Variants in ADAMTS4 observed in about 807,000 individuals in gnomAD.
ADAMTS4 encodes the protein A disintegrin and metalloproteinase with thrombospondin motifs 4.
In ADAMTS4, 38 loss-of-function variants were observed where a neutral mutation model predicts 66.7. That is an observed-to-expected ratio of 0.57 (90% CI 0.44 to 0.75). The LOEUF is 0.75. Among genes scored for constraint, ADAMTS4 ranks in the 30% least tolerant of loss-of-function variants. The pLI, the probability that ADAMTS4 is intolerant of heterozygous loss-of-function variation, is 0.00. For synonymous variants in ADAMTS4, 418 were observed against 461.5 expected, an observed-to-expected ratio of 0.91 and a Z score of 1.21; for missense variants, 1,014 against 1,116.7, an observed-to-expected ratio of 0.91 and a Z score of 1.31.
Position 161,193,089 on chromosome 1 carries a change from TG to T in ADAMTS4, c.1911+123del. The T allele has an allele frequency of 8.9e-7, 1 of 1,125,302 alleles. No individual in the cohort carries two copies. The highest frequency in any genetic ancestry group is 1.2e-6 in the Non-Finnish European group (1 of 811,582). The allele number at this position is 1,125,302 out of a possible 1,614,324, so 69.7% of individuals were successfully genotyped here. A position where few individuals can be genotyped will look rare whatever the true frequency, so the allele number is the denominator to read the frequency against. The stretch of plus-strand genomic sequence containing the variant: ...GTACAGATAAGTCTGAGTGGAATCC[TG>T]GACTGGGCTGGCGTGGCTGTAGGAA... On this transcript the variant is annotated intron_variant, in intron 7 of 8. Coordinates refer to ENST00000367996, the MANE Select transcript of ADAMTS4 (RefSeq NM_005099.6). The surrounding 1 kb of genome is among the most constrained non-coding windows in gnomAD (Gnocchi z 4.4).
rs1332129549 is a variant in ADAMTS4 at position 161,188,136 on chromosome 1, A to T, written c.*3002T>A. On this transcript the variant is annotated 3_prime_UTR_variant, in exon 9 of 9. Transcript: ENST00000367996. The stretch of plus-strand genomic sequence containing the variant: ...GGCTAATTTTTTGTATTTTTTTTTT[A>T]GTAGAGATGGGGTTTCACCATGTTG... 1 of 144,194 alleles carries T rather than the reference A, an allele frequency of 6.9e-6. No homozygotes were observed. Among genetic ancestry groups the T allele is most frequent in the Non-Finnish European group, 1.5e-5 (1 of 66,122 alleles). 8.9% of individuals were successfully genotyped at this position (144,194 alleles called of 1,614,324 possible).
rs749731245 is a variant in ADAMTS4, at chr1:161,193,296, A to C, written c.1828T>G (p.Tyr610Asp). 8 of 1,613,968 alleles carry C rather than the reference A, an allele frequency of 5.0e-6. No individual in the cohort carries two copies. The highest frequency in any genetic ancestry group is 5.9e-6 in the Non-Finnish European group (7 of 1,180,006). Reference sequence around the variant, plus strand: ...TGGTCCTGGGGGGCCACGCCTGTGTAGCGAGGAACCCAGTCCATGGGCCCT... The same window carrying C: ...TGGTCCTGGGGGGCCACGCCTGTGTCGCGAGGAACCCAGTCCATGGGCCCT... ...FPGPMDWVPR[Y>D]TGVAPQDQCK... The change falls in exon 7 of 9, where the codon TAC (tyrosine) becomes GAC (aspartate). Residue 610 changes from tyrosine to aspartate, a missense_variant. Physicochemically the swap from Tyr to Asp is radical, Grantham distance 160. Coordinates refer to ENST00000367996, the MANE Select transcript of ADAMTS4 (RefSeq NM_005099.6). The surrounding 1 kb of genome is among the most constrained non-coding windows in gnomAD (Gnocchi z 4.4).
chr1:161,198,304 T>C lies in ADAMTS4; in HGVS notation c.324A>G (p.Thr108=), dbSNP rs764416631. Residue 108 remains threonine, a synonymous_variant, in exon 1 of 9, where the codon ACA becomes ACG. Transcript: ENST00000367996. The surrounding 1 kb of genome is among the most constrained non-coding windows in gnomAD (Gnocchi z 4.7). ...QDSGVQVEGL[T]VQYLGQAPEL... is the part of the protein sequence containing the mutation. ...CAGGCGCCTGGCCCAGGTACTGCAC[T>C]GTCAGCCCCTCGACCTGCACACCGG... 6.2e-7 allele frequency: 1 copy of C among 1,613,400 alleles called. No individual in the cohort carries two copies. Among genetic ancestry groups the C allele is most frequent in the African/African-American group, 1.3e-5 (1 of 74,900 alleles).
Position 161,194,202 on chromosome 1 carries a change from T to C in ADAMTS4, c.1281A>G (p.Lys427=). 6.2e-7 allele frequency: 1 copy of C among 1,614,004 alleles called. No homozygotes were observed. Among genetic ancestry groups the C allele is most frequent in the Non-Finnish European group, 8.5e-7 (1 of 1,179,966 alleles). Reference sequence around the variant, plus strand: ...CAGGCAGATGCAATGGAGCCTCTGGTTTGTCTAAGAGACAGTGCCCTGGGA... The same window carrying C: ...CAGGCAGATGCAATGGAGCCTCTGGCTTGTCTAAGAGACAGTGCCCTGGGA... ...DNGYGHCLLD[K]PEAPLHLPVT... is the part of the protein sequence containing the mutation. Residue 427 remains lysine, a synonymous_variant, in exon 5 of 9, where the codon AAA becomes AAG. Coordinates refer to ENST00000367996, the MANE Select transcript of ADAMTS4 (RefSeq NM_005099.6). The surrounding 1 kb of genome is among the most constrained non-coding windows in gnomAD (Gnocchi z 4.1).
In ADAMTS4 at chr1:161,198,335, T is replaced by A; in HGVS notation, c.293A>T (p.Gln98Leu). The A allele has an allele frequency of 6.2e-7, 1 of 1,613,352 alleles. No individual in the cohort carries two copies. The highest frequency in any genetic ancestry group is 8.5e-7 in the Non-Finnish European group (1 of 1,179,988). The stretch of plus-strand genomic sequence containing the variant: ...CCCCTCGACCTGCACACCGGAGTCC[T>A]GCTCCAGCTCTAGTAGCAGCGTCTC... ...FGETLLLELE[Q>L]DSGVQVEGLT... The change falls in exon 1 of 9, where the codon CAG (glutamine) becomes CTG (leucine). Residue 98 changes from glutamine (Q) to leucine (L), a missense_variant. Coordinates refer to ENST00000367996, the MANE Select transcript of ADAMTS4 (RefSeq NM_005099.6). The surrounding 1 kb of genome is among the most constrained non-coding windows in gnomAD (Gnocchi z 4.7).
chr1:161,196,359 G>C, intron 2 of ADAMTS4, 56 bp from the exon 3 acceptor site: 1 of 1,553,990 alleles, frequency 6.4e-7, no homozygotes, highest in Non-Finnish European at 8.7e-7. Context: ...GGGTCCATTG[G>C]GTTGAGATCC....
Position 161,188,123 on chromosome 1 carries a change from G to C in ADAMTS4, c.*3015C>G, listed in dbSNP as rs945664303. 6.9e-6 allele frequency: 1 copy of C among 145,028 alleles called. No homozygotes were observed. Among genetic ancestry groups the C allele is most frequent in the African/African-American group, 2.6e-5 (1 of 39,156 alleles). 9.0% of individuals were successfully genotyped at this position (145,028 alleles called of 1,614,324 possible). A position where few individuals can be genotyped will look rare whatever the true frequency, so the allele number is the denominator to read the frequency against. On this transcript the variant is annotated 3_prime_UTR_variant, in exon 9 of 9. Transcript: ENST00000367996. The stretch of plus-strand genomic sequence containing the variant: ...TGCCACCACACCTGGCTAATTTTTT[G>C]TATTTTTTTTTTAGTAGAGATGGGG...
At chr1:161,196,329 C>T in intron 2 of ADAMTS4, 26 bp from the exon 3 acceptor site, 1 of 1,579,994 alleles carries the variant, frequency 6.3e-7, no homozygotes, top group Non-Finnish European at 8.6e-7. Context: ...ATAGAAGGTG[C>T]ATAGACAGCC....
Position 161,198,584 on chromosome 1 carries a change from C to T in ADAMTS4, c.44G>A (p.Arg15His), listed in dbSNP as rs1265505716. Residue 15 changes from arginine (R) to histidine (H), a missense_variant, in exon 1 of 9, where the codon CGC becomes CAC. Arg to His is a conservative substitution (Grantham distance 29). Coordinates refer to ENST00000367996, the MANE Select transcript of ADAMTS4 (RefSeq NM_005099.6). This position sits in a 1 kb window ranked among gnomAD's most constrained non-coding sequence, Gnocchi z 4.7. ...GSHPGRGLAGRWLWGAQPCLL... is the reference protein window; with the variant it reads ...GSHPGRGLAGHWLWGAQPCLL... ...GCAGGGTTGGGCTCCCCACAGCCAG[C>T]GCCCTGCCAAGCCCCTCCCGGGATG... The T allele has an allele frequency of 3.9e-6, 6 of 1,542,066 alleles. No individual in the cohort carries two copies. In the Admixed American group the frequency reaches 5.9e-5, roughly 15 times the overall value.
At position 161,198,040 on chromosome 1, in the gene ADAMTS4, G is replaced by C; in HGVS notation, c.588C>G (p.Val196=). Residue 196 remains valine, a synonymous_variant, in exon 1 of 9, where the codon GTC becomes GTG. Coordinates refer to ENST00000367996, the MANE Select transcript of ADAMTS4 (RefSeq NM_005099.6). This position sits in a 1 kb window ranked among gnomAD's most constrained non-coding sequence, Gnocchi z 4.7. ...PASGQGPMCN[V]KAPLGSPSPR... ...GGCTGGGGCTTCCAAGAGGAGCCTT[G>C]ACGTTGCACATGGGACCTTGACCGC... The C allele has an allele frequency of 1.3e-6, 2 of 1,595,668 alleles. No individual in the cohort carries two copies. The highest frequency in any genetic ancestry group is 1.7e-6 in the Non-Finnish European group (2 of 1,168,458).
rs772396585 is a variant in ADAMTS4 at position 161,195,501 on chromosome 1, C to A, written c.1225G>T (p.Ala409Ser). Reference sequence around the variant, plus strand: ...TCCAGGAAGTCAGTGATGAAGCGGGCACTGCAGGGGGACCAGGGCTCCTCA... The same window carrying A: ...TCCAGGAAGTCAGTGATGAAGCGGGAACTGCAGGGGGACCAGGGCTCCTCA... Reference protein sequence around the residue: ...DPEEPWSPCSARFITDFLDNG... With the variant: ...DPEEPWSPCSSRFITDFLDNG... The change falls in exon 4 of 9, where the codon GCC becomes TCC. Residue 409 changes from alanine (A) to serine (S), a missense_variant. Physicochemically the swap from Ala to Ser is moderately conservative, Grantham distance 99 (BLOSUM62 1). Transcript: ENST00000367996. 20 of 1,612,616 alleles carry A rather than the reference C, an allele frequency of 1.2e-5. No homozygotes were observed. Among genetic ancestry groups the A allele is most frequent in the Admixed American group, 1.2e-4 (7 of 59,750 alleles).
Position 161,185,197 on chromosome 1 carries a change from TAATAA to T in ADAMTS4, c.*5936_*5940del, listed in dbSNP as rs1664520954. On this transcript the variant is annotated 3_prime_UTR_variant, in exon 9 of 9. Coordinates refer to ENST00000367996, the MANE Select transcript of ADAMTS4 (RefSeq NM_005099.6). ...TACCCTAAAACTTAAAGTATAATAA[TAATAA>T]AATAAATTTTAAAAAAAAGAGAGAA... 6.6e-6 allele frequency: 1 copy of T among 151,992 alleles called. No individual in the cohort carries two copies. The highest frequency in any genetic ancestry group is 2.4e-5 in the African/African-American group (1 of 41,346). The allele number at this position is 151,992 out of a possible 1,614,324, so 9.4% of individuals were successfully genotyped here. A position where few individuals can be genotyped will look rare whatever the true frequency, so the allele number is the denominator to read the frequency against.
At chr1:161,195,057 T>C (rs1179357008) in intron 4 of ADAMTS4, among the ~76,000 whole-genome samples, 3 of 152,174 alleles carry the variant, frequency 2.0e-5, no homozygotes, top group African/African-American at 2.4e-5. Context: ...AGAGTAAGGA[T>C]AGGAACTCAA....
In ADAMTS4 at chr1:161,194,085, G is replaced by GGGC; in HGVS notation, c.1395_1397dup (p.Pro466dup). The GGGC allele has an allele frequency of 1.2e-6, 2 of 1,614,268 alleles. No individual in the cohort carries two copies. The highest frequency in any genetic ancestry group is 4.5e-5 in the East Asian group (2 of 44,894). On this transcript the variant is annotated inframe_insertion, in exon 5 of 9. Coordinates refer to ENST00000367996, the MANE Select transcript of ADAMTS4 (RefSeq NM_005099.6). This position sits in a 1 kb window ranked among gnomAD's most constrained non-coding sequence, Gnocchi z 4.1. ...GGCCAGAGCACCAGAGGGCAGCACA[G>GGGC]GGCGGCGGCAGCTGTGGACAATGGC...
rs139134354 is a variant in ADAMTS4 at position 161,195,167 on chromosome 1, G to A, written c.1261+298C>T. Reference sequence around the variant, plus strand: ...CTGCTATTCTTGCATACCTCACTGCGTGACAAGGTAATCACCTCCTTCATA... The same window carrying A: ...CTGCTATTCTTGCATACCTCACTGCATGACAAGGTAATCACCTCCTTCATA... On this transcript the variant is annotated intron_variant, in intron 4 of 8. Coordinates refer to ENST00000367996, the MANE Select transcript of ADAMTS4 (RefSeq NM_005099.6). Among the ~76,000 whole-genome samples the A allele has an allele frequency of 3.2e-3, 491 of 152,318 alleles. 4 individuals carry two copies. The highest frequency in any genetic ancestry group is 0.02 in the South Asian group (99 of 4,830).
chr1:161,186,456 A>G lies in ADAMTS4; in HGVS notation c.*4682T>C, dbSNP rs916125234. The G allele has an allele frequency of 6.6e-6, 1 of 152,266 alleles. No individual in the cohort carries two copies. The highest frequency in any genetic ancestry group is 1.5e-5 in the Non-Finnish European group (1 of 68,058). 9.4% of individuals were successfully genotyped at this position (152,266 alleles called of 1,614,324 possible). A position where few individuals can be genotyped will look rare whatever the true frequency, so the allele number is the denominator to read the frequency against. On this transcript the variant is annotated 3_prime_UTR_variant, in exon 9 of 9. Transcript: ENST00000367996. The stretch of plus-strand genomic sequence containing the variant: ...AGCTCCTGCTTACTTACCCAATCAC[A>G]GAGGTGGCCCCTAAGCTCAGTCTCA...
In ADAMTS4 at chr1:161,195,554, A is replaced by G; in HGVS notation, c.1172T>C (p.Met391Thr). 6.2e-7 allele frequency: 1 copy of G among 1,614,078 alleles called. No homozygotes were observed. The highest frequency in any genetic ancestry group is 1.1e-5 in the South Asian group (1 of 91,076). ...NGPLSTSRHV[M>T]APVMAHVDPE... ...ATCCACATGAGCCATCACAGGGGCC[A>G]TGACATGGCGAGAGGTGCTCAAAGG... is the stretch of plus-strand genomic sequence containing the variant. Residue 391 changes from methionine (M) to threonine (T), a missense_variant, in exon 4 of 9, where the codon ATG becomes ACG. Transcript: ENST00000367996.
At chr1:161,195,313 A>G in intron 4 of ADAMTS4, 152 bp downstream of exon 4, 1 of 812,516 alleles carries the variant, frequency 1.2e-6, no homozygotes, top group Admixed American at 2.9e-5. Flanking sequence ...GAACTACACA[A>G]AGACAGCAGC....
Position 161,193,354 on chromosome 1 carries a change from G to A in ADAMTS4, c.1770C>T (p.Tyr590=), listed in dbSNP as rs143700956. The change falls in exon 7 of 9, where the codon TAC becomes TAT. Residue 590 remains tyrosine, a synonymous_variant. Coordinates refer to ENST00000367996, the MANE Select transcript of ADAMTS4 (RefSeq NM_005099.6). This position sits in a 1 kb window ranked among gnomAD's most constrained non-coding sequence, Gnocchi z 4.4. The part of the protein sequence containing the change: ...LTFREEQCAA[Y]NHRTDLFKSF... ...TCTTGAAGAGGTCGGTGCGGTGGTT[G>A]TAGGCAGCACACTGCTCCTCGCGGA... 22 of 1,613,886 alleles carry A rather than the reference G, an allele frequency of 1.4e-5. No individual in the cohort carries two copies. In the African/African-American group the frequency reaches 1.7e-4, roughly 13 times the overall value.
Sources: allele counts gnomAD v4.1 joint callset (sites outside exome capture counted in the v4.1 genomes callset), GRCh38; gene constraint gnomAD v4.1.1; non-coding constraint Gnocchi (gnomAD v3.1); transcripts MANE v1.5; gene names NCBI Gene and HGNC (gene_info 2026-07-23, HGNC 2026-07-21).